CRYBG1: variants seen among roughly 807,000 people sequenced by gnomAD.
CRYBG1 encodes the protein crystallin beta-gamma domain containing 1.
Under a neutral mutation model 189.2 loss-of-function variants are expected in CRYBG1, and 139 were observed. The ratio of observed to expected loss-of-function variants is 0.73; its 90% CI spans 0.64 to 0.85. The LOEUF (loss-of-function observed/expected upper bound fraction) is 0.85, where lower values mean the gene tolerates loss of function less well. CRYBG1 is among the 40% of genes least tolerant of loss of function. The pLI, the probability that CRYBG1 is intolerant of heterozygous loss-of-function variation, is 0.00. For synonymous variants in CRYBG1, 1,023 were observed against 1,017.1 expected (o/e 1.01, Z -0.11); for missense variants, 2,611 against 2,675.8 (o/e 0.98, Z 0.53).
At chr6:106,421,659 C>A (rs1168646562) in intron 1 of CRYBG1, among the ~76,000 whole-genome samples, 1 of 152,154 alleles carries the variant, frequency 6.6e-6, no homozygotes, top group African/African-American at 2.4e-5. Context: ...GGGCTAGGAT[C>A]TCAACATTCC....
intron 2 of CRYBG1, among the ~76,000 whole-genome samples, chr6:106,462,294 C>T (rs939293189): frequency 2.0e-5 from 3 of 152,172 alleles, no homozygotes; most frequent in African/African-American, 7.2e-5. Flanking sequence ...CCTCAGCCTC[C>T]CGAGTAGCTG....
Position 106,568,731 on chromosome 6 carries a change from G to A in CRYBG1, c.*165G>A, listed in dbSNP as rs186462034. 2.1e-4 allele frequency: 116 copies of A among 547,902 alleles called. No individual in the cohort carries two copies. In the East Asian group the frequency reaches 2.7e-3, roughly 13 times the overall value. 33.9% of individuals were successfully genotyped at this position (547,902 alleles called of 1,614,324 possible). A position where few individuals can be genotyped will look rare whatever the true frequency, so the allele number is the denominator to read the frequency against. ...CCATGACTCAGAGAACTTACTCATC[G>A]TTTCAAAAGACTATCATAGCTTTAA... On this transcript the variant is annotated 3_prime_UTR_variant, in exon 22 of 22. Transcript: ENST00000633556.
At chr6:106,484,479 C>G (rs1772553291) in intron 2 of CRYBG1, among the ~76,000 whole-genome samples, 1 of 151,302 alleles carries the variant, frequency 6.6e-6, no homozygotes, top group African/African-American at 2.4e-5. Context: ...CCACCCACAC[C>G]CAGCTAATTT....
At chr6:106,555,938 C>T in intron 17 of CRYBG1, 41 bp downstream of exon 17, 2 of 1,609,858 alleles carry the variant, frequency 1.2e-6, no homozygotes, top group Non-Finnish European at 1.7e-6. Flanking sequence ...AAATGTATGC[C>T]TCATATAGCT....
At chr6:106,544,086 C>A (rs2114574436) in intron 11 of CRYBG1, among the ~76,000 whole-genome samples, 1 of 152,306 alleles carries the variant, frequency 6.6e-6, no homozygotes, top group South Asian at 2.1e-4. Context: ...TCAAGTTGAT[C>A]AAATCTACAA....
At chr6:106,473,579 A>AG (rs1491453832) in intron 2 of CRYBG1, among the ~76,000 whole-genome samples, 1 of 152,170 alleles carries the variant, frequency 6.6e-6, no homozygotes, top group African/African-American at 2.4e-5. Flanking sequence ...AGGAGACAAC[A>AG]GGGGGGCAAA....
intron 2 of CRYBG1, among the ~76,000 whole-genome samples, chr6:106,456,119 C>T (rs991527845): frequency 6.6e-6 from 1 of 152,208 alleles, no homozygotes; most frequent in Admixed American, 6.5e-5. Context: ...TCAACTATCT[C>T]AGTGGTTCTA....
In CRYBG1 at chr6:106,520,180, G is replaced by A; in HGVS notation, c.2972G>A (p.Ser991Asn). 1 of 1,614,160 alleles carries A rather than the reference G, an allele frequency of 6.2e-7. No individual in the cohort carries two copies. ...VREVQLPTCHSNEPEVVSVAS... is the reference protein window; with the variant it reads ...VREVQLPTCHNNEPEVVSVAS... ...GAAGTGCAGTTGCCAACTTGTCACA[G>A]TAATGAACCTGAAGTGGTTTCCGTT... The change falls in exon 4 of 22, where the codon AGT becomes AAT. Residue 991 changes from serine (S) to asparagine (N), a missense_variant. This residue lies in a region of CRYBG1 where 1,622 missense variants were observed against 1,735.0 expected (regional missense o/e 0.93). Transcript: ENST00000633556.
intron 6 of CRYBG1, among the ~76,000 whole-genome samples, chr6:106,526,563 A>G (rs1192299779): frequency 1.3e-5 from 2 of 152,160 alleles, no homozygotes; most frequent in African/African-American, 4.8e-5. Flanking sequence ...TACCATATCT[A>G]TAGTCTTTTG....
At chr6:106,466,939 T>C (rs1021127286) in intron 2 of CRYBG1, among the ~76,000 whole-genome samples, 4 of 152,110 alleles carry the variant, frequency 2.6e-5, no homozygotes, top group Non-Finnish European at 5.9e-5. Context: ...TCTGACATGA[T>C]GGAGGAGTTG....
chr6:106,464,560 CTT>C, intron 2 of CRYBG1, among the ~76,000 whole-genome samples: 1 of 150,066 alleles, frequency 6.7e-6, no homozygotes, highest in East Asian at 1.9e-4. Flanking sequence ...TAATGAGAAA[CTT>C]TTTCCTATTT....
intron 2 of CRYBG1, among the ~76,000 whole-genome samples, chr6:106,509,386 T>A (rs1773198042): frequency 6.6e-6 from 1 of 152,232 alleles, no homozygotes; most frequent in Non-Finnish European, 1.5e-5. Flanking sequence ...AATATTTTAA[T>A]TTTTTCCCTT....
chr6:106,568,624 G>A lies in CRYBG1; in HGVS notation c.*58G>A. On this transcript the variant is annotated 3_prime_UTR_variant, in exon 22 of 22. Coordinates refer to ENST00000633556, the MANE Select transcript of CRYBG1 (RefSeq NM_001371242.2). ...TTCCAGCCACCTTATTTCTTAAAAA[G>A]GACAATGCTGATGGAAGACCAGACT... 1 of 1,321,498 alleles carries A rather than the reference G, an allele frequency of 7.6e-7. No individual in the cohort carries two copies. The highest frequency in any genetic ancestry group is 1.1e-6 in the Non-Finnish European group (1 of 920,712). The allele number at this position is 1,321,498 out of a possible 1,614,324, so 81.9% of individuals were successfully genotyped here.
intron 1 of CRYBG1, among the ~76,000 whole-genome samples, chr6:106,396,999 T>C (rs953410170): frequency 2.6e-5 from 4 of 152,202 alleles, no homozygotes; most frequent in Admixed American, 1.3e-4. Context: ...ATGTTTTTGA[T>C]TGATTACGTC....
chr6:106,424,704 C>T (rs770183972), intron 1 of CRYBG1, among the ~76,000 whole-genome samples: 5 of 152,132 alleles, frequency 3.3e-5, no homozygotes, highest in Admixed American at 6.6e-5. Context: ...TCAGGCGATC[C>T]GCCTGCCTCA....
chr6:106,512,956 G>C lies in CRYBG1; in HGVS notation c.1839G>C (p.Ala613=), dbSNP rs778279190. Reference sequence around the variant, plus strand: ...GAGAGCTGGGCAGAGCGGCCGGAGCGCCTGGAGCTTCTGACGCCGACGGCT... The same window carrying C: ...GAGAGCTGGGCAGAGCGGCCGGAGCCCCTGGAGCTTCTGACGCCGACGGCT... ...RSRELGRAAG[A]PGASDADGLK... Residue 613 remains alanine (A), a synonymous_variant, in exon 3 of 22, where the codon GCG becomes GCC. Coordinates refer to ENST00000633556, the MANE Select transcript of CRYBG1 (RefSeq NM_001371242.2). 1 of 1,610,926 alleles carries C rather than the reference G, an allele frequency of 6.2e-7. No homozygotes were observed. Among genetic ancestry groups the C allele is most frequent in the Non-Finnish European group, 8.5e-7 (1 of 1,179,240 alleles).
Position 106,553,491 on chromosome 6 carries a change from A to G in CRYBG1, c.5509A>G (p.Ser1837Gly), listed in dbSNP as rs2114587374. The G allele has an allele frequency of 6.2e-7, 1 of 1,613,892 alleles. No homozygotes were observed. Among genetic ancestry groups the G allele is most frequent in the East Asian group, 2.2e-5 (1 of 44,880 alleles). Residue 1837 changes from serine (S) to glycine (G), a missense_variant, in exon 16 of 22, where the codon AGT becomes GGT. Physicochemically the swap from Ser to Gly is moderately conservative, Grantham distance 56 (BLOSUM62 0). Transcript: ENST00000633556. ...TTCAGAACCACAGTTTCAAGGTCAC[A>G]GTCAAAGTTTTGAAGAAACAACAAG... Reference protein sequence around the residue: ...LFSEPQFQGHSQSFEETTSQI... With the variant: ...LFSEPQFQGHGQSFEETTSQI...
intron 2 of CRYBG1, among the ~76,000 whole-genome samples, chr6:106,470,785 A>G (rs565869670): frequency 6.6e-6 from 1 of 152,296 alleles, no homozygotes; most frequent in South Asian, 2.1e-4. Context: ...CTGTACCATG[A>G]AGCATCTTTA....
chr6:106,423,454 C>G (rs1417626595), intron 1 of CRYBG1, among the ~76,000 whole-genome samples: 1 of 151,620 alleles, frequency 6.6e-6, no homozygotes, highest in African/African-American at 2.4e-5. Context: ...AGAGCAATTT[C>G]CATGTAAAAC....
Sources: allele counts gnomAD v4.1 joint callset (sites outside exome capture counted in the v4.1 genomes callset), GRCh38; gene constraint gnomAD v4.1.1; regional missense constraint gnomAD v4.1.1; transcripts MANE v1.5; gene names NCBI Gene and HGNC (gene_info 2026-07-23, HGNC 2026-07-21).